The following RBM42 variants were observed in gnomAD, a reference collection of about 807,000 sequenced individuals.
The protein encoded by RBM42 is RNA binding motif protein 42, also known as RNA-binding protein 42.
A neutral mutation model predicts 41.4 loss-of-function variants in RBM42; 21 were observed. That is an observed-to-expected ratio of 0.51 (90% CI 0.36 to 0.73). RBM42 has a LOEUF of 0.73. Ranked by LOEUF, RBM42 falls within the 30% of genes least tolerant of loss-of-function variation. RBM42 has a pLI of 0.00. For synonymous variants in RBM42, 272 were observed against 271.2 expected (o/e 1.00, Z -0.03); for missense variants, 539 against 680.4 (o/e 0.79, Z 2.31).
chr19:35,637,342 T>A lies in RBM42; in HGVS notation c.1320T>A (p.Arg440=). 6.2e-7 allele frequency: 1 copy of A among 1,613,892 alleles called. No individual in the cohort carries two copies. The highest frequency in any genetic ancestry group is 8.5e-7 in the Non-Finnish European group (1 of 1,179,876). ...CCAGCGACTACGTGCGCGCCATGCG[T>A]GAGATGAATGGTGGGTGCGGCCTCC... ...KDPSDYVRAM[R]EMNGKYVGSR... The change falls in exon 9 of 10, where the codon CGT becomes CGA. Residue 440 remains arginine (R), a synonymous_variant. Coordinates refer to ENST00000262633, the MANE Select transcript of RBM42 (RefSeq NM_024321.5). This position sits in a 1 kb window ranked among gnomAD's most constrained non-coding sequence, Gnocchi z 7.0.
chr19:35,629,480 T>C (rs747736261), intron 1 of RBM42, 40 bp from the exon 2 acceptor site: 11 of 1,608,496 alleles, frequency 6.8e-6, no homozygotes, highest in Non-Finnish European at 9.4e-6. Context: ...CCAAAATTGG[T>C]ACGAGGTCCT....
intron 2 of RBM42, among the ~76,000 whole-genome samples, chr19:35,629,918 A>G (rs570072064): frequency 2.0e-4 from 30 of 152,360 alleles, no homozygotes; most frequent in African/African-American, 7.2e-4. Flanking sequence ...GATATATTTA[A>G]AATTTATATT....
chr19:35,637,425 A>G lies in RBM42; in HGVS notation c.1331-17A>G. ...TAAGCCTGACCCGAGCCTGCCTTGA[A>G]CCCTCTGTCTCCACAGGGAAGTATG... On this transcript the variant is annotated splice_polypyrimidine_tract_variant and intron_variant, in intron 9 of 9. Coordinates refer to ENST00000262633, the MANE Select transcript of RBM42 (RefSeq NM_024321.5). The surrounding 1 kb of genome is among the most constrained non-coding windows in gnomAD (Gnocchi z 7.0). 1 of 1,613,730 alleles carries G rather than the reference A, an allele frequency of 6.2e-7. No individual in the cohort carries two copies. Among genetic ancestry groups the G allele is most frequent in the Non-Finnish European group, 8.5e-7 (1 of 1,179,770 alleles).
chr19:35,637,649 C>G lies in RBM42; in HGVS notation c.*95C>G. 1 of 918,684 alleles carries G rather than the reference C, an allele frequency of 1.1e-6. No individual in the cohort carries two copies. 56.9% of individuals were successfully genotyped at this position (918,684 alleles called of 1,614,324 possible). A position where few individuals can be genotyped will look rare whatever the true frequency, so the allele number is the denominator to read the frequency against. ...CCCCAGCTGTCCACCCATCCCCTGCCCCAAAACCAGTTTCAATAAATTTAC... is the reference window on the plus strand; with the variant it reads ...CCCCAGCTGTCCACCCATCCCCTGCGCCAAAACCAGTTTCAATAAATTTAC... On this transcript the variant is annotated 3_prime_UTR_variant, in exon 10 of 10. Coordinates refer to ENST00000262633, the MANE Select transcript of RBM42 (RefSeq NM_024321.5). This position sits in a 1 kb window ranked among gnomAD's most constrained non-coding sequence, Gnocchi z 7.0.
chr19:35,635,687 A>G (rs184443362), intron 8 of RBM42, among the ~76,000 whole-genome samples: 22 of 151,876 alleles, frequency 1.4e-4, no homozygotes, highest in African/African-American at 5.1e-4. Context: ...TGCTTGGCTA[A>G]TTTTTGGTAT....
At chr19:35,631,117 C>A in intron 2 of RBM42, 23 bp from the exon 3 acceptor site, 1 of 1,605,246 alleles carries the variant, frequency 6.2e-7, no homozygotes, top group Non-Finnish European at 8.5e-7. Context: ...TCAGGCCCCT[C>A]ACCCTGACCT....
chr19:35,633,144 C>T lies in RBM42; in HGVS notation c.576C>T (p.Leu192=), dbSNP rs755133694. Residue 192 remains leucine, a synonymous_variant, in exon 6 of 10, where the codon CTC becomes CTT. Transcript: ENST00000262633. ...PMALRPPHQA[L]VGPPLPGPPG... is the part of the protein sequence containing the mutation. ...CCCTACGGCCCCCTCACCAGGCCCT[C>T]GTGGGCCCCCCTCTGCCTGGGCCCC... is the stretch of plus-strand genomic sequence containing the variant. 1.1e-5 allele frequency: 18 copies of T among 1,567,794 alleles called. No homozygotes were observed. The highest frequency in any genetic ancestry group is 3.3e-5 in the Admixed American group (2 of 59,882).
Position 35,634,311 on chromosome 19 carries a change from G to T in RBM42, c.1073G>T (p.Arg358Leu), listed in dbSNP as rs1238099101. The T allele has an allele frequency of 6.2e-7, 1 of 1,614,076 alleles. No individual in the cohort carries two copies. Among genetic ancestry groups the T allele is most frequent in the Non-Finnish European group, 8.5e-7 (1 of 1,180,050 alleles). Residue 358 changes from arginine to leucine, a missense_variant, in exon 8 of 10, where the codon CGG becomes CTG. This residue lies in a region of RBM42 where 110 missense variants were observed against 191.5 expected (regional missense o/e 0.57). Transcript: ENST00000262633. ...AAGGGGAAGCCAGAGAAATTGAAACGGTGCATTCGCACAGCGGCAGGGAGC... is the reference window on the plus strand; with the variant it reads ...AAGGGGAAGCCAGAGAAATTGAAACTGTGCATTCGCACAGCGGCAGGGAGC... ...KKKGKPEKLK[R>L]CIRTAAGSSW...
chr19:35,630,915 A>C (rs1207288819), intron 2 of RBM42, among the ~76,000 whole-genome samples: 1 of 152,128 alleles, frequency 6.6e-6, no homozygotes, highest in Non-Finnish European at 1.5e-5. Flanking sequence ...AGTGGGTGCT[A>C]AGTGCTGTGG....
intron 8 of RBM42, among the ~76,000 whole-genome samples, chr19:35,636,365 G>C (rs572097208): frequency 6.6e-6 from 1 of 152,038 alleles, no homozygotes; most frequent in South Asian, 2.1e-4. Context: ...TCACCATGTT[G>C]GTCAGGCTGG....
Position 35,637,470 on chromosome 19 carries a change from G to A in RBM42, c.1359G>A (p.Lys453=), listed in dbSNP as rs757731611. 6 of 1,614,254 alleles carry A rather than the reference G, an allele frequency of 3.7e-6. No individual in the cohort carries two copies. Among genetic ancestry groups the A allele is most frequent in the Non-Finnish European group, 5.1e-6 (6 of 1,180,038 alleles). ...NGKYVGSRPI[K]LRKSMWKDRN... ...AGTATGTGGGCTCGCGCCCCATCAAGCTTCGCAAGAGCATGTGGAAGGACC... is the reference window on the plus strand; with the variant it reads ...AGTATGTGGGCTCGCGCCCCATCAAACTTCGCAAGAGCATGTGGAAGGACC... Residue 453 remains lysine, a synonymous_variant, in exon 10 of 10, where the codon AAG becomes AAA. Coordinates refer to ENST00000262633, the MANE Select transcript of RBM42 (RefSeq NM_024321.5). This position sits in a 1 kb window ranked among gnomAD's most constrained non-coding sequence, Gnocchi z 7.0.
intron 2 of RBM42, among the ~76,000 whole-genome samples, chr19:35,630,200 G>A (rs1253291354): frequency 6.6e-6 from 1 of 152,026 alleles, no homozygotes; most frequent in Non-Finnish European, 1.5e-5. Flanking sequence ...TGTAGTCCCA[G>A]CTACTTGGGA....
In RBM42 at chr19:35,633,824, A is replaced by G. The variant is rs1223927640; in HGVS notation, c.822A>G (p.Pro274=). 2 of 1,524,120 alleles carry G rather than the reference A, an allele frequency of 1.3e-6. No individual in the cohort carries two copies. The highest frequency in any genetic ancestry group is 1.8e-6 in the Non-Finnish European group (2 of 1,141,148). 94.4% of individuals were successfully genotyped at this position (1,524,120 alleles called of 1,614,324 possible). Residue 274 remains proline (P), a synonymous_variant, in exon 7 of 10, where the codon CCA becomes CCG. Coordinates refer to ENST00000262633, the MANE Select transcript of RBM42 (RefSeq NM_024321.5). Reference sequence around the variant, plus strand: ...TGGCCGTGGGGGCAGGAGGTGCCCCAGCTGGCCCTGCAGTCATTGGGCCCA... The same window carrying G: ...TGGCCGTGGGGGCAGGAGGTGCCCCGGCTGGCCCTGCAGTCATTGGGCCCA... ...AAVAVGAGGA[P]AGPAVIGPSL... is the part of the protein sequence containing the mutation.
intron 4 of RBM42, 65 bp from the exon 5 acceptor site, chr19:35,632,867 GCACA>G (rs1336140759): frequency 5.2e-6 from 4 of 763,634 alleles, no homozygotes; most frequent in Non-Finnish European, 9.7e-6. Flanking sequence ...ACACACGCAT[GCACA>G]CACACACCTT....
chr19:35,636,828 G>A (rs533400447), intron 8 of RBM42, among the ~76,000 whole-genome samples: 73 of 152,202 alleles, frequency 4.8e-4, no homozygotes, highest in African/African-American at 1.7e-3. Flanking sequence ...GGGGTGGGGA[G>A]GGCAGTGCAG....
At chr19:35,635,899 T>C (rs1967488474) in intron 8 of RBM42, among the ~76,000 whole-genome samples, 1 of 152,172 alleles carries the variant, frequency 6.6e-6, no homozygotes, top group Admixed American at 6.5e-5. Flanking sequence ...AGGGCAGTTG[T>C]CATGTATGAT....
chr19:35,635,327 AAAAAG>A (rs1967478436), intron 8 of RBM42, among the ~76,000 whole-genome samples: 1 of 151,676 alleles, frequency 6.6e-6, no homozygotes, highest in South Asian at 2.1e-4. Context: ...AAAAAAAAAA[AAAAAG>A]AAAAGAGATA....
At chr19:35,632,460 A>G (rs1967422562) in intron 4 of RBM42, among the ~76,000 whole-genome samples, 1 of 152,174 alleles carries the variant, frequency 6.6e-6, no homozygotes, top group Non-Finnish European at 1.5e-5. Flanking sequence ...TCCTGCCAAT[A>G]ATATTCCCAC....
In RBM42 at chr19:35,632,916, C is replaced by T. The variant is rs758182525; in HGVS notation, c.443-20C>T. ...GCCCCTGTCCCCCATGACACACACCCCCATCTCTCTCTCCCACAGCTGTGG... is the reference window on the plus strand; with the variant it reads ...GCCCCTGTCCCCCATGACACACACCTCCATCTCTCTCTCCCACAGCTGTGG... On this transcript the variant is annotated intron_variant, in intron 4 of 9. Transcript: ENST00000262633. 2 of 1,178,284 alleles carry T rather than the reference C, an allele frequency of 1.7e-6. No homozygotes were observed. Among genetic ancestry groups the T allele is most frequent in the Non-Finnish European group, 2.6e-6 (2 of 783,008 alleles). 73.0% of individuals were successfully genotyped at this position (1,178,284 alleles called of 1,614,324 possible).
Sources: allele counts gnomAD v4.1 joint callset (sites outside exome capture counted in the v4.1 genomes callset), GRCh38; gene constraint gnomAD v4.1.1; regional missense constraint gnomAD v4.1.1; non-coding constraint Gnocchi (gnomAD v3.1); transcripts MANE v1.5; gene names NCBI Gene and HGNC (gene_info 2026-07-23, HGNC 2026-07-21).